GRM7: variants seen among roughly 807,000 people sequenced by gnomAD.
GRM7 encodes metabotropic glutamate receptor 7.
A neutral mutation model predicts 84.5 loss-of-function variants in GRM7; 35 were observed. That is an observed-to-expected ratio of 0.41 (90% CI 0.32 to 0.55). GRM7 has a LOEUF of 0.55. Ranked by LOEUF, GRM7 falls within the 20% of genes least tolerant of loss-of-function variation. The probability of loss-of-function intolerance (pLI) is 0.19; values close to 1 mark genes in which losing one functional copy is unlikely to be tolerated. For missense variants in GRM7, 1,003 were observed against 1,194.6 expected (o/e 0.84, Z 2.36); for synonymous variants, 487 against 455.1 (o/e 1.07, Z -0.89).
chr3:7,116,284 C>T (rs1403850158), intron 1 of GRM7, among the ~76,000 whole-genome samples: 1 of 152,104 alleles, frequency 6.6e-6, no homozygotes, highest in African/African-American at 2.4e-5. Flanking sequence ...AGTTGAAAAT[C>T]GTGAATTATA....
Position 7,371,162 on chromosome 3 carries a change from T to TA in GRM7, c.1034-43854dup, listed in dbSNP as rs57344962. Among the ~76,000 whole-genome samples the TA allele has an allele frequency of 5.8e-3, 884 of 152,202 alleles. 6 individuals are homozygous for TA. Among genetic ancestry groups the TA allele is most frequent in the African/African-American group, 0.02 (835 of 41,530 alleles). On this transcript the variant is annotated intron_variant, in intron 4 of 9. Transcript: ENST00000357716. ...CAAATTCTGTAGTAAAGGACCATTTTAAAAAAACATAGATTGCAGACCACA... is the reference window on the plus strand; with the variant it reads ...CAAATTCTGTAGTAAAGGACCATTTTAAAAAAAACATAGATTGCAGACCACA...
intron 9 of GRM7, among the ~76,000 whole-genome samples, chr3:7,702,456 A>T (rs1188266139): frequency 6.6e-6 from 1 of 152,252 alleles, no homozygotes; most frequent in African/African-American, 2.4e-5. Context: ...CCTATGGCAG[A>T]TATGAGTCCA....
At chr3:6,897,913 C>T (rs1222977429) in intron 1 of GRM7, among the ~76,000 whole-genome samples, 3 of 152,150 alleles carry the variant, frequency 2.0e-5, no homozygotes, top group Non-Finnish European at 4.4e-5. Flanking sequence ...TGGGGGCCTC[C>T]CCATAGAGGC....
At chr3:7,435,944 C>T (rs565940224) in intron 5 of GRM7, among the ~76,000 whole-genome samples, 5 of 149,884 alleles carry the variant, frequency 3.3e-5, no homozygotes, top group East Asian at 2.0e-4. Context: ...CCTTGTGATC[C>T]ACCCACCTCG....
chr3:6,938,364 CTG>C (rs202091058), intron 1 of GRM7, among the ~76,000 whole-genome samples: 3,953 of 152,260 alleles, frequency 0.026, 71 homozygotes, highest in Non-Finnish European at 0.036. Flanking sequence ...AAGTCAAAGT[CTG>C]TAGTTTTTGC....
intron 9 of GRM7, among the ~76,000 whole-genome samples, chr3:7,690,855 G>T (rs1198948555): frequency 6.6e-6 from 1 of 152,128 alleles, no homozygotes; most frequent in Non-Finnish European, 1.5e-5. Context: ...GACAGATTTT[G>T]TCTTTATCAT....
At chr3:7,442,353 G>A (rs1697323327) in intron 5 of GRM7, among the ~76,000 whole-genome samples, 1 of 152,060 alleles carries the variant, frequency 6.6e-6, no homozygotes. Flanking sequence ...TGTTCTGGGA[G>A]CTTTTGGGCT....
At chr3:7,228,262 C>G (rs1697047650) in intron 2 of GRM7, among the ~76,000 whole-genome samples, 1 of 152,126 alleles carries the variant, frequency 6.6e-6, no homozygotes, top group Non-Finnish European at 1.5e-5. Context: ...TGAAAGAGCA[C>G]ATTTTCAGTA....
chr3:7,642,882 C>T (rs1188615274), intron 8 of GRM7, among the ~76,000 whole-genome samples: 2 of 152,032 alleles, frequency 1.3e-5, no homozygotes, highest in East Asian at 1.9e-4. Context: ...TTTTATAGAT[C>T]ATGAATGGAT....
At chr3:7,103,752 T>C (rs1483976787) in intron 1 of GRM7, among the ~76,000 whole-genome samples, 1 of 19,442 alleles carries the variant, frequency 5.1e-5, no homozygotes, top group Middle Eastern at 0.02. Flanking sequence ...CTCTCTCCCT[T>C]TCTTTCTTTC....
intron 2 of GRM7, among the ~76,000 whole-genome samples, chr3:7,223,784 G>A (rs543826397): frequency 5.2e-4 from 79 of 152,304 alleles, no homozygotes; most frequent in Non-Finnish European, 9.9e-4. Flanking sequence ...GGTATGGGCA[G>A]TCTAGAGATT....
chr3:7,130,426 C>A (rs1693553304), intron 1 of GRM7, among the ~76,000 whole-genome samples: 1 of 151,748 alleles, frequency 6.6e-6, no homozygotes, highest in African/African-American at 2.4e-5. Context: ...ACCTGTAATC[C>A]CAGGTACTTG....
chr3:7,304,826 T>C lies in GRM7; in HGVS notation c.879-1672T>C, dbSNP rs138660948. 4.9e-3 allele frequency among the ~76,000 whole-genome samples: 749 copies of C among 152,332 alleles called. 28 individuals carry two copies. Among genetic ancestry groups the C allele is most frequent in the Admixed American group, 0.04 (609 of 15,290 alleles). On this transcript the variant is annotated intron_variant, in intron 3 of 9. Coordinates refer to ENST00000357716, the MANE Select transcript of GRM7 (RefSeq NM_000844.4). ...TTATTATTTTGTTTTTTTTCCCATA[T>C]ATTATCTCTGCTCCACCTCACACAT...
At chr3:7,578,333 C>T in intron 7 of GRM7, 89 bp from the exon 8 acceptor site, 2 of 809,110 alleles carry the variant, frequency 2.5e-6, no homozygotes, top group Non-Finnish European at 2.0e-6. Flanking sequence ...TCATATGTCA[C>T]TTGCCATGAG....
At chr3:6,915,879 C>T (rs551280583) in intron 1 of GRM7, among the ~76,000 whole-genome samples, 18 of 152,160 alleles carry the variant, frequency 1.2e-4, no homozygotes, top group African/African-American at 4.1e-4. Context: ...ATGCTTAATC[C>T]ATCTTTTCTT....
intron 1 of GRM7, among the ~76,000 whole-genome samples, chr3:6,988,289 G>T (rs374489232): frequency 6.7e-6 from 1 of 150,252 alleles, no homozygotes; most frequent in Non-Finnish European, 1.5e-5. Context: ...GATTACAGGC[G>T]TGATCCACTG....
chr3:7,410,656 C>CACACACACACACACA (rs1553585549), intron 4 of GRM7, among the ~76,000 whole-genome samples: 70 of 142,618 alleles, frequency 4.9e-4, no homozygotes, highest in African/African-American at 1.7e-3. Flanking sequence ...ACCACCACCA[C>CACACACACACACACA]CACACACACA....
intron 7 of GRM7, among the ~76,000 whole-genome samples, chr3:7,465,463 A>G (rs942561399): frequency 6.7e-6 from 1 of 148,920 alleles, no homozygotes; most frequent in East Asian, 1.9e-4. Context: ...ACCCAGAGGC[A>G]CCCTACCCCT....
chr3:6,938,381 T>G (rs1458125613), intron 1 of GRM7, among the ~76,000 whole-genome samples: 1 of 152,232 alleles, frequency 6.6e-6, no homozygotes, highest in Non-Finnish European at 1.5e-5. Context: ...TTTTGCATAG[T>G]GTCTTCCAGT....
Sources: gnomAD v4.1 joint callset for allele counts (sites outside exome capture counted in the v4.1 genomes callset) on GRCh38, gnomAD v4.1.1 for gene constraint, MANE v1.5 for transcripts, NCBI Gene and HGNC (gene_info 2026-07-23, HGNC 2026-07-21) for gene names.